BSN: variants seen among roughly 807,000 people sequenced by gnomAD.
BSN encodes protein bassoon.
BSN carries 57 observed loss-of-function variants against 264.8 expected under a neutral mutation model. The ratio of observed to expected loss-of-function variants is 0.22; its 90% CI spans 0.17 to 0.27. The LOEUF (loss-of-function observed/expected upper bound fraction) is 0.27, where lower values mean the gene tolerates loss of function less well. BSN is among the 10% of genes least tolerant of loss of function. The probability of loss-of-function intolerance (pLI) is 1.00; values close to 1 mark genes in which losing one functional copy is unlikely to be tolerated. For missense variants in BSN, 4,615 were observed against 5,232.5 expected (o/e 0.88, Z 3.64); for synonymous variants, 2,059 against 2,137.3 (o/e 0.96, Z 1.01).
rs779881597 is a variant in BSN at position 49,657,741 on chromosome 3, G to A, written c.8185G>A (p.Val2729Ile). The stretch of plus-strand genomic sequence containing the variant: ...GGAGCCAGATGGGCAGGCCCAGGGT[G>A]TAGCCGGGCCGCAGCTTGTAGGGCC... ...QTEPDGQAQG[V>I]AGPQLVGPTA... Residue 2729 changes from valine (V) to isoleucine (I), a missense_variant, in exon 5 of 12, where the codon GTA becomes ATA. Transcript: ENST00000296452. 6.5e-7 allele frequency: 1 copy of A among 1,549,232 alleles called. No homozygotes were observed. Among genetic ancestry groups the A allele is most frequent in the South Asian group, 1.2e-5 (1 of 80,344 alleles).
chr3:49,634,649 C>G (rs1319994809), intron 2 of BSN, among the ~76,000 whole-genome samples: 1 of 152,198 alleles, frequency 6.6e-6, no homozygotes, highest in African/African-American at 2.4e-5. Context: ...GCCTCACCCT[C>G]CCAAAGTGCT....
At chr3:49,666,926 G>C (rs952768788) in intron 11 of BSN, among the ~76,000 whole-genome samples, 3 of 151,718 alleles carry the variant, frequency 2.0e-5, no homozygotes, top group African/African-American at 7.3e-5. Context: ...CCGCTCAGCT[G>C]ATGTTTCCTT....
intron 1 of BSN, among the ~76,000 whole-genome samples, chr3:49,595,900 C>G (rs905816627): frequency 6.6e-6 from 1 of 151,580 alleles, no homozygotes; most frequent in Admixed American, 6.6e-5. Context: ...TATAGTTTTT[C>G]CAAGTGGTTG....
At chr3:49,561,081 T>G (rs2051707991) in intron 1 of BSN, among the ~76,000 whole-genome samples, 1 of 152,220 alleles carries the variant, frequency 6.6e-6, no homozygotes, top group Non-Finnish European at 1.5e-5. Flanking sequence ...GGGCCCCTAC[T>G]TCTTTCTAAC....
In BSN at chr3:49,623,269, C is replaced by T. The variant is rs189060098; in HGVS notation, c.225-1706C>T. On this transcript the variant is annotated intron_variant, in intron 1 of 11. Coordinates refer to ENST00000296452, the MANE Select transcript of BSN (RefSeq NM_003458.4). ...AGGGCAGTCTCCTGCACAGGCTGGG[C>T]CTCCACACTGCTCTCAGCAAGTCAG... 1.6e-3 allele frequency among the ~76,000 whole-genome samples: 243 copies of T among 152,312 alleles called. 1 individual carries two copies. The highest frequency in any genetic ancestry group is 1.2e-3 in the Non-Finnish European group (82 of 68,028).
chr3:49,649,142 A>G (rs1390430403), intron 3 of BSN, among the ~76,000 whole-genome samples: 1 of 152,162 alleles, frequency 6.6e-6, no homozygotes, highest in East Asian at 1.9e-4. Flanking sequence ...ATGCCAGGCT[A>G]AGGGCAGGCA....
chr3:49,651,160 G>A lies in BSN; in HGVS notation c.1986+81G>A, dbSNP rs2052538790. 2 of 1,399,220 alleles carry A rather than the reference G, an allele frequency of 1.4e-6. No individual in the cohort carries two copies. The highest frequency in any genetic ancestry group is 1.3e-5 in the South Asian group (1 of 74,218). 86.7% of individuals were successfully genotyped at this position (1,399,220 alleles called of 1,614,324 possible). A position where few individuals can be genotyped will look rare whatever the true frequency, so the allele number is the denominator to read the frequency against. On this transcript the variant is annotated intron_variant, in intron 4 of 11. Transcript: ENST00000296452. The surrounding 1 kb of genome is among the most constrained non-coding windows in gnomAD (Gnocchi z 5.4). ...AAGGCTTGCCTCCCTGGGTGGCTGA[G>A]GCTGTAGGCTCAGGACAGGTGCCTT...
chr3:49,627,842 G>A (rs576275409), intron 2 of BSN, among the ~76,000 whole-genome samples: 2 of 152,314 alleles, frequency 1.3e-5, no homozygotes, highest in South Asian at 2.1e-4. Flanking sequence ...CCCAATCAGA[G>A]TAGAAAAAGG....
At chr3:49,604,585 T>C (rs1039423875) in intron 1 of BSN, among the ~76,000 whole-genome samples, 3 of 152,170 alleles carry the variant, frequency 2.0e-5, no homozygotes, top group Admixed American at 2.0e-4. Flanking sequence ...ATTGCATATA[T>C]ATAACACACT....
At position 49,655,088 on chromosome 3, in the gene BSN, C is replaced by T. The variant is rs1369622690; in HGVS notation, c.5532C>T (p.Ala1844=). 1 of 1,612,808 alleles carries T rather than the reference C, an allele frequency of 6.2e-7. No homozygotes were observed. The highest frequency in any genetic ancestry group is 8.5e-7 in the Non-Finnish European group (1 of 1,180,010). ...VPEPGAEPHR[A]TPAELRSHAL... is the part of the protein sequence containing the mutation. ...AGCCAGGTGCCGAGCCCCACCGGGC[C>T]ACCCCTGCAGAGCTGCGGTCACATG... Residue 1844 remains alanine, a synonymous_variant, in exon 5 of 12, where the codon GCC becomes GCT. Coordinates refer to ENST00000296452, the MANE Select transcript of BSN (RefSeq NM_003458.4).
chr3:49,654,621 C>A lies in BSN; in HGVS notation c.5065C>A (p.Leu1689Ile). 6.2e-7 allele frequency: 1 copy of A among 1,614,036 alleles called. No individual in the cohort carries two copies. Residue 1689 changes from leucine (L) to isoleucine (I), a missense_variant, in exon 5 of 12, where the codon CTT becomes ATT. This residue lies in a region of BSN where 3,415 missense variants were observed against 3,866.4 expected (regional missense o/e 0.88). Transcript: ENST00000296452. This position sits in a 1 kb window ranked among gnomAD's most constrained non-coding sequence, Gnocchi z 4.1. The stretch of plus-strand genomic sequence containing the variant: ...TGACCAGGGCATGGACCTCACCTCT[C>A]TTGCTGTGGAAGCGAGGAAGTATGG... ...LTDQGMDLTS[L>I]AVEARKYGLA... is the part of the protein sequence containing the mutation.
At chr3:49,597,580 G>A (rs1401337861) in intron 1 of BSN, among the ~76,000 whole-genome samples, 5 of 152,066 alleles carry the variant, frequency 3.3e-5, no homozygotes, top group South Asian at 4.1e-4. Context: ...ATCCTCCTGC[G>A]TTGGCCTCTC....
chr3:49,626,522 G>C (rs1286414208), intron 2 of BSN, among the ~76,000 whole-genome samples: 1 of 152,146 alleles, frequency 6.6e-6, no homozygotes, highest in African/African-American at 2.4e-5. Context: ...GAGTGTGGGG[G>C]CTTCCTGAAG....
intron 1 of BSN, among the ~76,000 whole-genome samples, chr3:49,624,300 C>CTTTTTT (rs71080542): frequency 1.5e-5 from 1 of 67,184 alleles, no homozygotes; most frequent in Non-Finnish European, 2.7e-5. Flanking sequence ...CGTGCCCAGC[C>CTTTTTT]TTTTTTTTTT....
chr3:49,652,097 T>C lies in BSN; in HGVS notation c.2541T>C (p.Ile847=). The C allele has an allele frequency of 6.2e-7, 1 of 1,611,002 alleles. No homozygotes were observed. Among genetic ancestry groups the C allele is most frequent in the Non-Finnish European group, 8.5e-7 (1 of 1,177,724 alleles). ...LTDEDFMRRQ[I]LEMSAEEDNL... ...ATGAGGATTTCATGCGACGGCAGAT[T>C]CTCGAGATGAGCGCCGAGGAAGACA... The change falls in exon 5 of 12, where the codon ATT becomes ATC. Residue 847 remains isoleucine (I), a synonymous_variant. Coordinates refer to ENST00000296452, the MANE Select transcript of BSN (RefSeq NM_003458.4).
chr3:49,596,771 C>A (rs2052026790), intron 1 of BSN, among the ~76,000 whole-genome samples: 1 of 152,178 alleles, frequency 6.6e-6, no homozygotes, highest in Non-Finnish European at 1.5e-5. Flanking sequence ...AGTGATCATG[C>A]TGTCTCAGCC....
At chr3:49,602,408 C>T (rs1229360564) in intron 1 of BSN, among the ~76,000 whole-genome samples, 2 of 151,860 alleles carry the variant, frequency 1.3e-5, no homozygotes, top group African/African-American at 4.8e-5. Context: ...CTTGCTCTGC[C>T]TTGCTCTGCC....
intron 1 of BSN, among the ~76,000 whole-genome samples, chr3:49,605,916 AAATAGATAT>A (rs1289158469): frequency 0.017 from 19 of 1,130 alleles, no homozygotes; most frequent in South Asian, 0.12. Flanking sequence ...AAATAGATAT[AAATAGATAT>A]AAAATCTATT....
intron 1 of BSN, among the ~76,000 whole-genome samples, chr3:49,617,756 G>A (rs1191158714): frequency 6.6e-6 from 1 of 152,166 alleles, no homozygotes; most frequent in Non-Finnish European, 1.5e-5. Flanking sequence ...CTCATGGAAT[G>A]TGTGTTCAGG....
Sources: gnomAD v4.1 joint callset for allele counts (sites outside exome capture counted in the v4.1 genomes callset) on GRCh38, gnomAD v4.1.1 for gene constraint, gnomAD v4.1.1 regional missense constraint, Gnocchi (gnomAD v3.1) non-coding constraint, MANE v1.5 for transcripts, NCBI Gene and HGNC (gene_info 2026-07-23, HGNC 2026-07-21) for gene names.